Variants in PAPPA observed in about 807,000 individuals in gnomAD.
The protein encoded by PAPPA is pappalysin-1.
A neutral mutation model predicts 164.0 loss-of-function variants in PAPPA; 60 were observed. That is an observed-to-expected ratio of 0.37 (90% confidence interval 0.30 to 0.45). The LOEUF (loss-of-function observed/expected upper bound fraction) is 0.45, where lower values mean the gene tolerates loss of function less well. Ranked by LOEUF, PAPPA falls within the 20% of genes least tolerant of loss-of-function variation. PAPPA has a pLI of 1.00. For synonymous variants in PAPPA, 875 were observed against 814.1 expected, an observed-to-expected ratio of 1.07 and a Z score of -1.27; for missense variants, 1,782 against 2,087.3, an observed-to-expected ratio of 0.85 and a Z score of 2.85.
intron 1 of PAPPA, among the ~76,000 whole-genome samples, chr9:116,171,773 A>C (rs1165472945): frequency 6.6e-6 from 1 of 152,164 alleles, no homozygotes; most frequent in Non-Finnish European, 1.5e-5. Context: ...CTGGAGAGGC[A>C]GTCAGATGCT....
intron 17 of PAPPA, among the ~76,000 whole-genome samples, chr9:116,359,743 GA>G (rs1294987255): frequency 6.6e-6 from 1 of 152,214 alleles, no homozygotes; most frequent in Non-Finnish European, 1.5e-5. Flanking sequence ...GGGAAAGCAA[GA>G]AAAGTTTGCA....
rs941579009 is a variant in PAPPA at position 116,260,618 on chromosome 9, T to C, written c.2733-5239T>C. On this transcript the variant is annotated intron_variant, in intron 7 of 21. Transcript: ENST00000328252. ...GTTCTCAGTGCAGAATTTTAAATGC[T>C]GAAGCAGTTTCTAGCCTATGGAAAA... Among the ~76,000 whole-genome samples the C allele has an allele frequency of 7.9e-5, 12 of 152,192 alleles. 1 individual carries two copies.
chr9:116,212,259 A>G (rs1425033118), intron 4 of PAPPA, among the ~76,000 whole-genome samples: 1 of 152,250 alleles, frequency 6.6e-6, no homozygotes, highest in Admixed American at 6.5e-5. Flanking sequence ...ATTTTGCAAG[A>G]ACAATGAGAG....
At chr9:116,209,434 C>T (rs1447354356) in intron 3 of PAPPA, among the ~76,000 whole-genome samples, 1 of 152,106 alleles carries the variant, frequency 6.6e-6, no homozygotes, top group African/African-American at 2.4e-5. Context: ...ACTGAAAGGG[C>T]CATGATCAGA....
At position 116,154,519 on chromosome 9, in the gene PAPPA, G is replaced by A; in HGVS notation, c.347G>A (p.Arg116Gln). Residue 116 changes from arginine (R) to glutamine (Q), a missense_variant, in exon 1 of 22, where the codon CGG becomes CAG. This residue lies in a region of PAPPA where 458 missense variants were observed against 430.3 expected (regional missense o/e 1.06). Transcript: ENST00000328252. This position sits in a 1 kb window ranked among gnomAD's most constrained non-coding sequence, Gnocchi z 5.2. ...LRLRADLELP[R>Q]DAFTLQVWLR... The stretch of plus-strand genomic sequence containing the variant: ...CTCCGGGCCGACCTCGAGCTGCCCC[G>A]GGACGCGTTCACGCTGCAAGTGTGG... The A allele has an allele frequency of 7.1e-7, 1 of 1,400,852 alleles. No homozygotes were observed. The highest frequency in any genetic ancestry group is 9.3e-7 in the Non-Finnish European group (1 of 1,075,590). The allele number at this position is 1,400,852 out of a possible 1,614,324, so 86.8% of individuals were successfully genotyped here.
At chr9:116,238,800 T>C (rs960064573) in intron 7 of PAPPA, among the ~76,000 whole-genome samples, 2 of 152,180 alleles carry the variant, frequency 1.3e-5, no homozygotes, top group Admixed American at 6.5e-5. Flanking sequence ...CTGAATGTTC[T>C]CTGAGACTGA....
chr9:116,167,635 G>A (rs1344807406), intron 1 of PAPPA, among the ~76,000 whole-genome samples: 1 of 152,104 alleles, frequency 6.6e-6, no homozygotes, highest in Non-Finnish European at 1.5e-5. Context: ...GGAATTATGT[G>A]GGTGACCATG....
chr9:116,286,346 C>T (rs1260908798), intron 9 of PAPPA: 1 of 152,162 alleles, frequency 6.6e-6, no homozygotes, highest in African/African-American at 2.4e-5. Flanking sequence ...AAATCTCAGT[C>T]TGCGGCTTGC....
chr9:116,275,319 G>T (rs1213665469), intron 9 of PAPPA, among the ~76,000 whole-genome samples: 1 of 152,180 alleles, frequency 6.6e-6, no homozygotes, highest in Non-Finnish European at 1.5e-5. Flanking sequence ...ATGTGTGTTT[G>T]TGTGGAATGT....
At chr9:116,280,649 A>G (rs1485880374) in intron 9 of PAPPA, among the ~76,000 whole-genome samples, 1 of 152,202 alleles carries the variant, frequency 6.6e-6, no homozygotes, top group Non-Finnish European at 1.5e-5. Context: ...ACTCAAGCAT[A>G]TACCTTCTAC....
intron 10 of PAPPA, among the ~76,000 whole-genome samples, chr9:116,318,857 C>T (rs1220827026): frequency 1.3e-5 from 2 of 152,194 alleles, no homozygotes; most frequent in African/African-American, 4.8e-5. Context: ...CATCCAAGGG[C>T]CTCCTATTCT....
chr9:116,227,012 C>T (rs432301), intron 5 of PAPPA, among the ~76,000 whole-genome samples: 70,520 of 152,116 alleles, frequency 0.46, 17,012 homozygotes, highest in East Asian at 0.73. Context: ...AAGATGGTGT[C>T]TGGCACATAG....
intron 1 of PAPPA, among the ~76,000 whole-genome samples, chr9:116,182,178 G>T (rs1021123712): frequency 2.0e-5 from 3 of 152,182 alleles, no homozygotes; most frequent in Admixed American, 2.0e-4. Flanking sequence ...TAGACTTGTT[G>T]TGAAGATTAA....
At chr9:116,370,360 A>C (rs1045308692) in intron 19 of PAPPA, among the ~76,000 whole-genome samples, 2 of 152,180 alleles carry the variant, frequency 1.3e-5, no homozygotes, top group African/African-American at 4.8e-5. Flanking sequence ...CAGAGGTGGA[A>C]GCCACTTGCC....
At chr9:116,370,954 C>T (rs1846564828) in intron 19 of PAPPA, among the ~76,000 whole-genome samples, 1 of 152,080 alleles carries the variant, frequency 6.6e-6, no homozygotes, top group South Asian at 2.1e-4. Flanking sequence ...AGCTCTGGTG[C>T]CTTCCTGCTG....
At chr9:116,249,425 G>A (rs1353952635) in intron 7 of PAPPA, among the ~76,000 whole-genome samples, 2 of 152,182 alleles carry the variant, frequency 1.3e-5, no homozygotes, top group African/African-American at 4.8e-5. Flanking sequence ...TGATCCCAGA[G>A]TTCATTGCTG....
At position 116,302,911 on chromosome 9, in the gene PAPPA, C is replaced by T; in HGVS notation, c.3108C>T (p.Cys1036=). The T allele has an allele frequency of 1.2e-6, 2 of 1,613,994 alleles. No homozygotes were observed. The highest frequency in any genetic ancestry group is 1.7e-6 in the Non-Finnish European group (2 of 1,179,938). The change falls in exon 10 of 22, where the codon TGC becomes TGT. Residue 1036 remains cysteine, a synonymous_variant. Transcript: ENST00000328252. ...CAGTATCTCATCAAGACCAGCAATG[C>T]CCAGGCTGGGTCATCATCGGACAGC... ...NASVSHQDQQ[C]PGWVIIGQPA...
intron 13 of PAPPA, among the ~76,000 whole-genome samples, chr9:116,339,262 A>C (rs904186402): frequency 1.3e-5 from 2 of 152,324 alleles, no homozygotes; most frequent in East Asian, 1.9e-4. Flanking sequence ...TAAAGAAATG[A>C]GAAGCTTTGA....
At chr9:116,376,281 A>G (rs1343304389) in intron 19 of PAPPA, among the ~76,000 whole-genome samples, 1 of 152,164 alleles carries the variant, frequency 6.6e-6, no homozygotes, top group Non-Finnish European at 1.5e-5. Flanking sequence ...GGCCTCCCAA[A>G]GTGCTGAGAT....
Sources: gnomAD v4.1 joint callset for allele counts (sites outside exome capture counted in the v4.1 genomes callset) on GRCh38, gnomAD v4.1.1 for gene constraint, gnomAD v4.1.1 regional missense constraint, Gnocchi (gnomAD v3.1) non-coding constraint, MANE v1.5 for transcripts, NCBI Gene and HGNC (gene_info 2026-07-23, HGNC 2026-07-21) for gene names.